Variants in TAF15 observed in about 807,000 individuals in gnomAD.
TAF15 encodes TATA-box binding protein associated factor 15.
Under a neutral mutation model 102.5 loss-of-function variants are expected in TAF15, and 37 were observed. The observed-to-expected ratio is 0.36, with a 90% CI of 0.28 to 0.47. The LOEUF (loss-of-function observed/expected upper bound fraction) is 0.47, where lower values mean the gene tolerates loss of function less well. Among genes scored for constraint, TAF15 ranks in the 20% least tolerant of loss-of-function variants. The pLI is 0.99. For missense variants in TAF15, 652 were observed against 760.7 expected, an observed-to-expected ratio of 0.86 and a Z score of 1.68; for synonymous variants, 273 against 259.2, an observed-to-expected ratio of 1.05 and a Z score of -0.51.
At chr17:35,843,477 T>C (rs1410235546) in intron 12 of TAF15, among the ~76,000 whole-genome samples, 2 of 152,276 alleles carry the variant, frequency 1.3e-5, no homozygotes, top group East Asian at 3.9e-4. Flanking sequence ...TTTTTCTGTT[T>C]TGTGGGTGGA....
At chr17:35,838,608 T>C in intron 11 of TAF15, 55 bp downstream of exon 11, 1 of 1,612,782 alleles carries the variant, frequency 6.2e-7, no homozygotes, top group Non-Finnish European at 8.5e-7. Context: ...TTTTCTAGTC[T>C]GAAAGTGAGA....
intron 8 of TAF15, 145 bp from the exon 9 acceptor site, chr17:35,834,421 T>C (rs1294745652): frequency 1.4e-6 from 1 of 705,178 alleles, no homozygotes; most frequent in East Asian, 2.7e-5. Context: ...ATAATTTATA[T>C]ATTTACTTTG....
chr17:35,846,963 C>T lies in TAF15; in HGVS notation c.*18C>T, dbSNP rs2087630760. 6.2e-7 allele frequency: 1 copy of T among 1,613,978 alleles called. No homozygotes were observed. The highest frequency in any genetic ancestry group is 8.5e-7 in the Non-Finnish European group (1 of 1,179,954). On this transcript the variant is annotated 3_prime_UTR_variant, in exon 16 of 16. Transcript: ENST00000605844. Reference sequence around the variant, plus strand: ...CATACTGATGACTGTTTTGAATGTTCCTTTGTCTCTGACATGATCCATAGT... The same window carrying T: ...CATACTGATGACTGTTTTGAATGTTTCTTTGTCTCTGACATGATCCATAGT...
chr17:35,817,760 A>C lies in TAF15; in HGVS notation c.47+5A>C. ...GTCTGGGGGTGAGCAGCAAAGGTAA[A>C]GTATACATACATTTTAATAATATGA... is the stretch of plus-strand genomic sequence containing the variant. On this transcript the variant is annotated splice_donor_5th_base_variant and intron_variant, in intron 2 of 15. Transcript: ENST00000605844. 1 of 1,612,898 alleles carries C rather than the reference A, an allele frequency of 6.2e-7. No individual in the cohort carries two copies.
intron 7 of TAF15, among the ~76,000 whole-genome samples, chr17:35,829,656 A>AAAAAAAAT (rs2087377754): frequency 8.2e-6 from 1 of 122,276 alleles, no homozygotes; most frequent in Admixed American, 8.2e-5. Flanking sequence ...AAAAAAAAAA[A>AAAAAAAAT]GAGAGAGAGA....
intron 1 of TAF15, among the ~76,000 whole-genome samples, chr17:35,814,136 A>C (rs2087162307): frequency 6.6e-6 from 1 of 151,808 alleles, no homozygotes; most frequent in South Asian, 2.1e-4. Flanking sequence ...TGAACTCCTC[A>C]GCTCAAGCAA....
In TAF15 at chr17:35,824,300, A is replaced by G; in HGVS notation, c.605+102A>G. On this transcript the variant is annotated intron_variant, in intron 7 of 15. Coordinates refer to ENST00000605844, the MANE Select transcript of TAF15 (RefSeq NM_139215.3). ...TCAATTCCAGCATCTAATTTAGTTA[A>G]GAGACTTTAAAAAGGGATTATATAT... 6.8e-6 allele frequency: 10 copies of G among 1,478,896 alleles called. 1 individual carries two copies. The highest frequency in any genetic ancestry group is 9.1e-6 in the Non-Finnish European group (10 of 1,094,696). The allele number at this position is 1,478,896 out of a possible 1,614,324, so 91.6% of individuals were successfully genotyped here. A position where few individuals can be genotyped will look rare whatever the true frequency, so the allele number is the denominator to read the frequency against.
chr17:35,826,211 A>G (rs2143777289), intron 7 of TAF15, among the ~76,000 whole-genome samples: 1 of 152,310 alleles, frequency 6.6e-6, no homozygotes, highest in South Asian at 2.1e-4. Flanking sequence ...GAAGTCCAAT[A>G]TCTAGTTGGT....
chr17:35,844,382 T>G lies in TAF15; in HGVS notation c.1177+14T>G. ...CCTCAGGAGGAGGTGGGTCAGCCTT[T>G]TAATAGCATCTGCATCGTGCTTATC... On this transcript the variant is annotated intron_variant, in intron 14 of 15. Transcript: ENST00000605844. 6.2e-7 allele frequency: 1 copy of G among 1,613,178 alleles called. No individual in the cohort carries two copies.
chr17:35,835,624 A>C (rs2087464459), intron 9 of TAF15, among the ~76,000 whole-genome samples: 1 of 152,246 alleles, frequency 6.6e-6, no homozygotes, highest in South Asian at 2.1e-4. Context: ...ATGTCAGGTA[A>C]CATGTACAAG....
chr17:35,826,882 C>T (rs1462788764), intron 7 of TAF15, among the ~76,000 whole-genome samples: 2 of 150,282 alleles, frequency 1.3e-5, no homozygotes, highest in Non-Finnish European at 2.9e-5. Flanking sequence ...TTTTATGTGT[C>T]ATAACACATA....
At chr17:35,811,103 A>T (rs763877974) in intron 1 of TAF15, 8 of 152,198 alleles carry the variant, frequency 5.3e-5, no homozygotes, top group Admixed American at 1.3e-4. Context: ...TTAAAATTCT[A>T]CCCTCGTGGA....
chr17:35,839,431 G>T (rs866707844), intron 11 of TAF15, among the ~76,000 whole-genome samples: 10 of 133,270 alleles, frequency 7.5e-5, no homozygotes, highest in Admixed American at 2.6e-4. Context: ...TCCCGGGCTG[G>T]AGTGCAGTGG....
intron 7 of TAF15, among the ~76,000 whole-genome samples, chr17:35,829,462 C>T (rs1270092876): frequency 1.3e-5 from 2 of 150,752 alleles, no homozygotes; most frequent in Admixed American, 6.6e-5. Flanking sequence ...GAAACTCCAT[C>T]TCTACTAAAA....
At chr17:35,813,328 G>A (rs569030213) in intron 1 of TAF15, among the ~76,000 whole-genome samples, 1 of 152,022 alleles carries the variant, frequency 6.6e-6, no homozygotes, top group South Asian at 2.1e-4. Flanking sequence ...TCAATTCAGG[G>A]GGATAAGATA....
chr17:35,829,061 T>C (rs1183554844), intron 7 of TAF15, among the ~76,000 whole-genome samples: 2 of 145,812 alleles, frequency 1.4e-5, no homozygotes, highest in African/African-American at 4.9e-5. Context: ...TTATGGAGAA[T>C]AGTACTTAAA....
chr17:35,809,639 T>G (rs2087100646), intron 1 of TAF15, 63 bp downstream of exon 1: 1 of 1,608,854 alleles, frequency 6.2e-7, no homozygotes, highest in African/African-American at 1.3e-5. Context: ...TTGGGCTGTC[T>G]TCCCGCCCAC....
intron 7 of TAF15, among the ~76,000 whole-genome samples, chr17:35,827,576 G>T (rs957885235): frequency 2.0e-5 from 3 of 151,958 alleles, no homozygotes; most frequent in African/African-American, 7.3e-5. Context: ...CACGATGGTG[G>T]GTGCCTATAA....
intron 1 of TAF15, 105 bp downstream of exon 1, chr17:35,809,681 G>A (rs1312448009): frequency 1.9e-6 from 3 of 1,539,224 alleles, no homozygotes; most frequent in African/African-American, 2.7e-5. Context: ...CTCCGGCCCT[G>A]AGGGAGGCTT....
Sources: gnomAD v4.1 joint callset for allele counts (sites outside exome capture counted in the v4.1 genomes callset) on GRCh38, gnomAD v4.1.1 for gene constraint, MANE v1.5 for transcripts, NCBI Gene and HGNC (gene_info 2026-07-23, HGNC 2026-07-21) for gene names.